Variants in KTN1 observed in about 807,000 individuals in gnomAD.
KTN1 encodes the protein kinectin.
In KTN1, 130 loss-of-function variants were observed where a neutral mutation model predicts 222.5. That is an observed-to-expected ratio of 0.58 (90% confidence interval 0.51 to 0.68). The LOEUF (loss-of-function observed/expected upper bound fraction) is 0.68. Among genes scored for constraint, KTN1 ranks in the 30% least tolerant of loss-of-function variants. The pLI is 0.00. For missense variants in KTN1, 1,508 were observed against 1,500.4 expected, an observed-to-expected ratio of 1.01 and a Z score of -0.08; for synonymous variants, 512 against 496.3, an observed-to-expected ratio of 1.03 and a Z score of -0.42.
chr14:55,662,069 CTTT>C (rs71131302), intron 32 of KTN1, among the ~76,000 whole-genome samples: 42 of 129,622 alleles, frequency 3.2e-4, no homozygotes, highest in Non-Finnish European at 4.0e-4. Flanking sequence ...TCCTCCTGCC[CTTT>C]TTTTTTTTTT....
intron 1 of KTN1, among the ~76,000 whole-genome samples, chr14:55,591,929 G>A (rs1429380705): frequency 2.6e-5 from 4 of 152,132 alleles, no homozygotes; most frequent in Non-Finnish European, 5.9e-5. Flanking sequence ...CTGGGCACTA[G>A]TTTCCTTTTC....
chr14:55,679,781 A>G (rs2046210425), intron 43 of KTN1, 96 bp downstream of exon 43: 4 of 1,252,070 alleles, frequency 3.2e-6, no homozygotes, highest in Non-Finnish European at 4.6e-6. Context: ...ACTAGAGGAA[A>G]TATTCCTTCT....
At chr14:55,580,480 G>T (rs924726514) in intron 1 of KTN1, 126 bp downstream of exon 1, 1 of 147,262 alleles carries the variant, frequency 6.8e-6, no homozygotes, top group Non-Finnish European at 1.5e-5. Flanking sequence ...CGGCCGCGGG[G>T]CCCGGACGCC....
rs1056995321 is a variant in KTN1, at chr14:55,651,828, T to G, written c.2566-62T>G. 3 of 1,079,752 alleles carry G rather than the reference T, an allele frequency of 2.8e-6. No individual in the cohort carries two copies. The African/African-American group carries it at 4.8e-5, about 17-fold the overall frequency. The allele number at this position is 1,079,752 out of a possible 1,614,324, so 66.9% of individuals were successfully genotyped here. A position where few individuals can be genotyped will look rare whatever the true frequency, so the allele number is the denominator to read the frequency against. ...GAAGTGTACACATTATAAAGACTTA[T>G]AAAGCTTAATAAGTTAAATTGAAAG... On this transcript the variant is annotated intron_variant, in intron 24 of 43. Coordinates refer to ENST00000395314, the MANE Select transcript of KTN1 (RefSeq NM_001079521.2).
intron 42 of KTN1, chr14:55,679,291 T>A (rs2141404265): frequency 6.4e-6 from 2 of 313,542 alleles, no homozygotes; most frequent in South Asian, 1.6e-4. Context: ...AAAAAATGGA[T>A]ATATTTCTGA....
At chr14:55,587,098 C>T (rs2033169043) in intron 1 of KTN1, among the ~76,000 whole-genome samples, 2 of 140,810 alleles carry the variant, frequency 1.4e-5, no homozygotes, top group African/African-American at 5.1e-5. Context: ...TAATGTGAGG[C>T]AGGGACTGTC....
Position 55,648,859 on chromosome 14 carries a change from C to A in KTN1, c.2356C>A (p.Gln786Lys). 6.3e-7 allele frequency: 1 copy of A among 1,583,486 alleles called. No individual in the cohort carries two copies. The highest frequency in any genetic ancestry group is 8.7e-7 in the Non-Finnish European group (1 of 1,154,246). Reference sequence around the variant, plus strand: ...AGAAGTTCAAGACTTAAAAGCTAAGCAAAATGATCAGGTAATGTAAATTTT... The same window carrying A: ...AGAAGTTCAAGACTTAAAAGCTAAGAAAAATGATCAGGTAATGTAAATTTT... ...TKEVQDLKAK[Q>K]NDQVSFASLV... The change falls in exon 21 of 44, where the codon CAA becomes AAA. Residue 786 changes from glutamine to lysine, a missense_variant. Transcript: ENST00000395314.
intron 1 of KTN1, among the ~76,000 whole-genome samples, chr14:55,586,001 G>A (rs952886917): frequency 6.6e-6 from 1 of 152,204 alleles, no homozygotes; most frequent in Non-Finnish European, 1.5e-5. Flanking sequence ...GAGACATGAT[G>A]TTACACTGCA....
Position 55,671,361 on chromosome 14 carries a change from A to G in KTN1, c.3349-205A>G, listed in dbSNP as rs193006292. The G allele has an allele frequency of 6.9e-4, 380 of 549,264 alleles. 3 individuals carry two copies. In the East Asian group the frequency reaches 0.01, roughly 15 times the overall value. The allele number at this position is 549,264 out of a possible 1,614,324, so 34.0% of individuals were successfully genotyped here. On this transcript the variant is annotated intron_variant, in intron 35 of 43. Transcript: ENST00000395314. ...GACTAAAGACTTTAGTACCAAGACT[A>G]TTTATTATAACATTGTTTAATAAAA...
chr14:55,581,938 C>T (rs1434005219), intron 1 of KTN1, among the ~76,000 whole-genome samples: 2 of 150,770 alleles, frequency 1.3e-5, no homozygotes, highest in Non-Finnish European at 2.9e-5. Flanking sequence ...AAGGATCTAA[C>T]CTGAAATAGC....
At chr14:55,659,423 A>G (rs1287009358) in intron 30 of KTN1, among the ~76,000 whole-genome samples, 3 of 151,958 alleles carry the variant, frequency 2.0e-5, no homozygotes, top group African/African-American at 7.2e-5. Flanking sequence ...ATTGATAAAT[A>G]CTTATTAAAT....
intron 32 of KTN1, chr14:55,662,811 C>T: frequency 2.2e-6 from 1 of 453,976 alleles, no homozygotes; most frequent in Non-Finnish European, 4.4e-6. Context: ...TATAACAGTA[C>T]TAACAGCATT....
intron 1 of KTN1, among the ~76,000 whole-genome samples, chr14:55,595,872 C>T (rs8009608): frequency 0.077 from 11,676 of 151,890 alleles, 498 homozygotes; most frequent in South Asian, 0.11. Flanking sequence ...ACTGGTTTGG[C>T]GGCTGGGCGC....
At chr14:55,642,429 G>A (rs1016368323) in intron 18 of KTN1, among the ~76,000 whole-genome samples, 1 of 152,108 alleles carries the variant, frequency 6.6e-6, no homozygotes, top group Non-Finnish European at 1.5e-5. Context: ...CCATAAATTA[G>A]AGCCCAGTGG....
chr14:55,607,295 G>A (rs573647530), intron 1 of KTN1: 22 of 152,196 alleles, frequency 1.4e-4, no homozygotes, highest in African/African-American at 5.3e-4. Flanking sequence ...GTACTCTGAC[G>A]AAACACGACT....
Position 55,658,529 on chromosome 14 carries a change from A to G in KTN1, c.2893-17A>G, listed in dbSNP as rs1366409840. On this transcript the variant is annotated splice_polypyrimidine_tract_variant and intron_variant, in intron 29 of 43. Transcript: ENST00000395314. ...AAAATCTGTTTAGATACTGATGTTTAATTTTTATTTAATTAGGATGTACAA... is the reference window on the plus strand; with the variant it reads ...AAAATCTGTTTAGATACTGATGTTTGATTTTTATTTAATTAGGATGTACAA... 1 of 1,448,916 alleles carries G rather than the reference A, an allele frequency of 6.9e-7. No homozygotes were observed. The highest frequency in any genetic ancestry group is 2.3e-5 in the East Asian group (1 of 43,828). 89.8% of individuals were successfully genotyped at this position (1,448,916 alleles called of 1,614,324 possible). A position where few individuals can be genotyped will look rare whatever the true frequency, so the allele number is the denominator to read the frequency against.
chr14:55,617,862 A>C (rs746979543), intron 3 of KTN1, 102 bp from the exon 4 acceptor site: 142 of 867,202 alleles, frequency 1.6e-4, no homozygotes, highest in Admixed American at 2.9e-4. Context: ...GCTACCAGTA[A>C]ATGTTTCAAA....
At chr14:55,672,765 AAG>A (rs1415237902) in intron 38 of KTN1, 64 bp downstream of exon 38, 1 of 1,186,658 alleles carries the variant, frequency 8.4e-7, no homozygotes, top group Non-Finnish European at 1.3e-6. Context: ...CGGTTGTCTG[AAG>A]ATCTATAGTT....
At chr14:55,605,115 T>C (rs984223091) in intron 1 of KTN1, among the ~76,000 whole-genome samples, 4 of 152,232 alleles carry the variant, frequency 2.6e-5, no homozygotes, top group South Asian at 2.1e-4. Flanking sequence ...GTCTTATTAG[T>C]GTCCTCACTC....
Sources: gnomAD v4.1 joint callset for allele counts (sites outside exome capture counted in the v4.1 genomes callset) on GRCh38, gnomAD v4.1.1 for gene constraint, MANE v1.5 for transcripts, NCBI Gene and HGNC (gene_info 2026-07-23, HGNC 2026-07-21) for gene names.